Variants in ERBB4 observed in about 807,000 individuals in gnomAD.
ERBB4 encodes receptor tyrosine-protein kinase erbB-4.
Under a neutral mutation model 158.0 loss-of-function variants are expected in ERBB4, and 42 were observed. That is an observed-to-expected ratio of 0.27 (90% CI 0.21 to 0.34). The LOEUF (loss-of-function observed/expected upper bound fraction) is 0.34, where lower values mean the gene tolerates loss of function less well. ERBB4 is among the 10% of genes least tolerant of loss of function. ERBB4 has a pLI of 1.00. For missense variants in ERBB4, 1,333 were observed against 1,624.1 expected (o/e 0.82, Z 3.08); for synonymous variants, 583 against 558.7 (o/e 1.04, Z -0.61).
intron 17 of ERBB4, 94 bp downstream of exon 17, chr2:211,630,368 A>G (rs2070059224): frequency 6.9e-7 from 1 of 1,452,850 alleles, no homozygotes; most frequent in Non-Finnish European, 9.6e-7. Flanking sequence ...CACTGAACAG[A>G]ATTTTACTTG....
chr2:211,455,943 C>T (rs752235682), intron 20 of ERBB4, among the ~76,000 whole-genome samples: 12 of 152,242 alleles, frequency 7.9e-5, no homozygotes, highest in Middle Eastern at 3.4e-3. Context: ...CAGTTCACAG[C>T]GTAAAGTTTC....
At chr2:211,516,284 A>G (rs1252541763) in intron 20 of ERBB4, among the ~76,000 whole-genome samples, 2 of 151,312 alleles carry the variant, frequency 1.3e-5, no homozygotes, top group East Asian at 2.0e-4. Context: ...AGCCTTGCTT[A>G]TGGAATCTCT....
chr2:212,076,321 T>C (rs895442419), intron 2 of ERBB4, among the ~76,000 whole-genome samples: 1 of 151,902 alleles, frequency 6.6e-6, no homozygotes, highest in African/African-American at 2.4e-5. Context: ...GAGTAAAGTG[T>C]TAGATCATGA....
chr2:212,047,959 T>A (rs2077300907), intron 2 of ERBB4, among the ~76,000 whole-genome samples: 1 of 152,182 alleles, frequency 6.6e-6, no homozygotes, highest in African/African-American at 2.4e-5. Context: ...CAAAGTGATA[T>A]AATGAGATTG....
chr2:212,251,193 A>T (rs2106049419), intron 1 of ERBB4, among the ~76,000 whole-genome samples: 1 of 152,144 alleles, frequency 6.6e-6, no homozygotes, highest in South Asian at 2.1e-4. Flanking sequence ...TATTAGGAAG[A>T]ATTATATATA....
intron 2 of ERBB4, among the ~76,000 whole-genome samples, chr2:212,117,583 T>G (rs551632577): frequency 6.6e-6 from 1 of 152,282 alleles, no homozygotes; most frequent in South Asian, 2.1e-4. Context: ...TCTTACAAAG[T>G]TTATCAGGAA....
intron 2 of ERBB4, among the ~76,000 whole-genome samples, chr2:212,121,262 C>T (rs547628057): frequency 6.6e-6 from 1 of 152,158 alleles, no homozygotes; most frequent in Middle Eastern, 3.2e-3. Context: ...GACGGAGTCT[C>T]GCTGTGTTGC....
chr2:212,431,126 C>G (rs547424852), intron 1 of ERBB4, among the ~76,000 whole-genome samples: 2 of 151,974 alleles, frequency 1.3e-5, no homozygotes, highest in Non-Finnish European at 2.9e-5. Context: ...ACCTCACGCT[C>G]CTATATCCAG....
At chr2:211,812,711 C>G (rs1559540653) in intron 3 of ERBB4, among the ~76,000 whole-genome samples, 1 of 152,126 alleles carries the variant, frequency 6.6e-6, no homozygotes, top group Non-Finnish European at 1.5e-5. Context: ...TTGAGCTTCC[C>G]CAGTTGCTTT....
At chr2:211,645,250 G>T (rs2070743974) in intron 16 of ERBB4, among the ~76,000 whole-genome samples, 1 of 151,726 alleles carries the variant, frequency 6.6e-6, no homozygotes, top group South Asian at 2.1e-4. Flanking sequence ...GTAACTTAAA[G>T]AGAAAAAGAG....
At chr2:211,917,462 C>A (rs2079728648) in intron 3 of ERBB4, among the ~76,000 whole-genome samples, 1 of 152,082 alleles carries the variant, frequency 6.6e-6, no homozygotes, top group Non-Finnish European at 1.5e-5. Flanking sequence ...CTTATGCAGT[C>A]ATTACCACAA....
intron 1 of ERBB4, among the ~76,000 whole-genome samples, chr2:212,179,867 T>C (rs997617892): frequency 6.6e-6 from 1 of 151,674 alleles, no homozygotes; most frequent in African/African-American, 2.4e-5. Flanking sequence ...TTTCTCACAT[T>C]ATTTATTTTT....
At chr2:212,208,623 G>C (rs2082838514) in intron 1 of ERBB4, among the ~76,000 whole-genome samples, 1 of 152,074 alleles carries the variant, frequency 6.6e-6, no homozygotes, top group African/African-American at 2.4e-5. Flanking sequence ...AAGATCTTGA[G>C]GATGTTAATA....
intron 16 of ERBB4, among the ~76,000 whole-genome samples, chr2:211,632,881 A>G (rs937546783): frequency 6.0e-4 from 91 of 152,224 alleles, no homozygotes; most frequent in Middle Eastern, 3.4e-3. Context: ...ACTCTGCAGG[A>G]ACGGTAGAGG....
intron 1 of ERBB4, among the ~76,000 whole-genome samples, chr2:212,484,615 AAAAC>A (rs1266973971): frequency 5.3e-5 from 8 of 152,350 alleles, no homozygotes; most frequent in East Asian, 1.9e-4. Context: ...TTATTTGACT[AAAAC>A]AAACAAACAA....
intron 4 of ERBB4, among the ~76,000 whole-genome samples, chr2:211,765,977 T>C (rs777305610): frequency 1.2e-4 from 19 of 152,170 alleles, no homozygotes; most frequent in Admixed American, 6.6e-5. Context: ...CACAGAAAGG[T>C]AGGAGAATAA....
chr2:212,003,206 A>AAAGAAAGAAAGG (rs1559293936), intron 2 of ERBB4, among the ~76,000 whole-genome samples: 2 of 46,986 alleles, frequency 4.3e-5, no homozygotes, highest in African/African-American at 1.0e-4. Flanking sequence ...AGAAAGAAAG[A>AAAGAAAGAAAGG]CAGAAAGAAG....
chr2:212,014,151 G>A, intron 2 of ERBB4, among the ~76,000 whole-genome samples: 1 of 152,180 alleles, frequency 6.6e-6, no homozygotes, highest in Admixed American at 6.5e-5. Context: ...GCAGTTGTGA[G>A]ATGCCATTCT....
intron 2 of ERBB4, among the ~76,000 whole-genome samples, chr2:212,005,204 T>C (rs1057388570): frequency 6.6e-6 from 1 of 152,104 alleles, no homozygotes; most frequent in African/African-American, 2.4e-5. Context: ...TTGAATCCCA[T>C]TGAGTGAGAG....
Sources: gnomAD v4.1 joint callset for allele counts (sites outside exome capture counted in the v4.1 genomes callset) on GRCh38, gnomAD v4.1.1 for gene constraint, MANE v1.5 for transcripts, NCBI Gene and HGNC (gene_info 2026-07-23, HGNC 2026-07-21) for gene names.